Variants in SLC25A32 observed in about 807,000 individuals in gnomAD.
SLC25A32 encodes the protein Glycine auxotroph B, complementation of hamster.
Under a neutral mutation model 39.0 loss-of-function variants are expected in SLC25A32, and 32 were observed. The ratio of observed to expected loss-of-function variants is 0.82; its 90% CI spans 0.62 to 1.10. The LOEUF (loss-of-function observed/expected upper bound fraction) is 1.10. SLC25A32 is among the 50% of genes least tolerant of loss of function. The pLI, the probability that SLC25A32 is intolerant of heterozygous loss-of-function variation, is 0.00. For synonymous variants in SLC25A32, 166 were observed against 152.4 expected, an observed-to-expected ratio of 1.09 and a Z score of -0.66; for missense variants, 367 against 395.3, an observed-to-expected ratio of 0.93 and a Z score of 0.61.
At chr8:103,404,627 A>C (rs867987409) in intron 3 of SLC25A32, 149 bp downstream of exon 3, 5 of 568,798 alleles carry the variant, frequency 8.8e-6, no homozygotes, top group Non-Finnish European at 1.5e-5. Flanking sequence ...AAAAACAAAC[A>C]AACAAAAAAA....
At chr8:103,409,973 G>GAA (rs1288903259) in intron 1 of SLC25A32, among the ~76,000 whole-genome samples, 1 of 152,140 alleles carries the variant, frequency 6.6e-6, no homozygotes, top group Non-Finnish European at 1.5e-5. Flanking sequence ...CAGAATGACA[G>GAA]GCTCTTGAGA....
chr8:103,414,421 C>G (rs574131797), intron 1 of SLC25A32, among the ~76,000 whole-genome samples: 2 of 152,332 alleles, frequency 1.3e-5, no homozygotes, highest in South Asian at 4.1e-4. Flanking sequence ...CGTGGGTATG[C>G]TAAGATTTCA....
At chr8:103,410,561 C>T (rs1816444098) in intron 1 of SLC25A32, among the ~76,000 whole-genome samples, 1 of 152,136 alleles carries the variant, frequency 6.6e-6, no homozygotes, top group Admixed American at 6.5e-5. Flanking sequence ...TCATCCATAC[C>T]TCCTCCACCC....
intron 1 of SLC25A32, among the ~76,000 whole-genome samples, chr8:103,408,798 C>T (rs746794172): frequency 6.6e-6 from 1 of 152,186 alleles, no homozygotes; most frequent in Non-Finnish European, 1.5e-5. Context: ...GAACCCTCCT[C>T]CTTCCCATCC....
intron 1 of SLC25A32, among the ~76,000 whole-genome samples, 184 bp from the exon 2 acceptor site, chr8:103,407,968 T>TTAC (rs1317312554): frequency 1.6e-4 from 23 of 147,490 alleles, no homozygotes; most frequent in South Asian, 1.3e-3. Context: ...AATATATATA[T>TTAC]ATATAAATAT....
At chr8:103,407,917 T>A (rs1202915200) in intron 1 of SLC25A32, 133 bp from the exon 2 acceptor site, 1 of 308,182 alleles carries the variant, frequency 3.2e-6, no homozygotes, top group Non-Finnish European at 5.7e-6. Context: ...GTAGAAAAAA[T>A]TATTTTCCAG....
At chr8:103,409,018 G>A (rs991393051) in intron 1 of SLC25A32, among the ~76,000 whole-genome samples, 1 of 152,056 alleles carries the variant, frequency 6.6e-6, no homozygotes, top group African/African-American at 2.4e-5. Context: ...TCTCTCTGTA[G>A]GAAACAGAAA....
intron 3 of SLC25A32, among the ~76,000 whole-genome samples, chr8:103,403,877 G>C (rs1816272217): frequency 6.6e-6 from 1 of 152,088 alleles, no homozygotes; most frequent in South Asian, 2.1e-4. Context: ...ATCCTTTATA[G>C]AGTGACAATT....
intron 1 of SLC25A32, among the ~76,000 whole-genome samples, chr8:103,408,222 G>A (rs1304934578): frequency 1.3e-5 from 2 of 151,630 alleles, no homozygotes; most frequent in African/African-American, 4.8e-5. Flanking sequence ...CCTGACCTCA[G>A]GTGATCCACC....
chr8:103,412,595 A>T (rs1159860355), intron 1 of SLC25A32, among the ~76,000 whole-genome samples: 1 of 152,038 alleles, frequency 6.6e-6, no homozygotes, highest in Non-Finnish European at 1.5e-5. Context: ...TGTAATTTCC[A>T]CTCAACCTGT....
rs749650049 is a variant in SLC25A32 at position 103,400,379 on chromosome 8, G to T, written c.*32C>A. On this transcript the variant is annotated 3_prime_UTR_variant, in exon 7 of 7. Coordinates refer to ENST00000297578, the MANE Select transcript of SLC25A32 (RefSeq NM_030780.5). ...ACACAAAAGAGCTTGTTGCTGCCTTGGGCAGATATACTGGAATTGTCCTCT... is the reference window on the plus strand; with the variant it reads ...ACACAAAAGAGCTTGTTGCTGCCTTTGGCAGATATACTGGAATTGTCCTCT... The T allele has an allele frequency of 3.7e-6, 6 of 1,612,498 alleles. No homozygotes were observed. The East Asian group carries it at 1.1e-4, about 30-fold the overall frequency.
chr8:103,409,793 T>A (rs1044257457), intron 1 of SLC25A32, among the ~76,000 whole-genome samples: 9 of 152,198 alleles, frequency 5.9e-5, no homozygotes, highest in African/African-American at 2.2e-4. Context: ...GAGATTAAAG[T>A]ACATCAGGTT....
At position 103,401,925 on chromosome 8, in the gene SLC25A32, A is replaced by AT; in HGVS notation, c.666+15_666+16insA. 6 of 1,581,716 alleles carry AT rather than the reference A, an allele frequency of 3.8e-6. No individual in the cohort carries two copies. The highest frequency in any genetic ancestry group is 5.2e-6 in the Non-Finnish European group (6 of 1,160,642). On this transcript the variant is annotated intron_variant, in intron 5 of 6. Coordinates refer to ENST00000297578, the MANE Select transcript of SLC25A32 (RefSeq NM_030780.5). ...CATAAAAGGAAATGATATCATTTTT[A>AT]CAAGAATAATCTTACCAACTGGGCT...
At chr8:103,408,352 A>C (rs1451584514) in intron 1 of SLC25A32, among the ~76,000 whole-genome samples, 2 of 152,160 alleles carry the variant, frequency 1.3e-5, no homozygotes, top group Non-Finnish European at 2.9e-5. Flanking sequence ...AGGGCATACT[A>C]AGCACTCAAA....
chr8:103,401,054 A>C (rs981493529), intron 6 of SLC25A32, among the ~76,000 whole-genome samples: 6 of 152,244 alleles, frequency 3.9e-5, no homozygotes, highest in Non-Finnish European at 7.3e-5. Context: ...TTAGAATTAA[A>C]GGGAAATATG....
At chr8:103,402,344 A>G (rs575665458) in intron 4 of SLC25A32, 23 of 203,018 alleles carry the variant, frequency 1.1e-4, no homozygotes, top group African/African-American at 5.3e-4. Flanking sequence ...TGAGTGGGAA[A>G]CTAAATTCTG....
chr8:103,403,688 A>G (rs911603905), intron 3 of SLC25A32, among the ~76,000 whole-genome samples: 6 of 152,204 alleles, frequency 3.9e-5, no homozygotes, highest in African/African-American at 1.4e-4. Flanking sequence ...GGTGTAGCAC[A>G]TGGTATAATC....
Position 103,400,185 on chromosome 8 carries a change from T to C in SLC25A32, c.*226A>G. On this transcript the variant is annotated 3_prime_UTR_variant, in exon 7 of 7. Transcript: ENST00000297578. The stretch of plus-strand genomic sequence containing the variant: ...CCTTCGTGTCAGTTTTAACATTGTG[T>C]TGATGGCAGCCATTTCAGGCAGAGG... 1.9e-6 allele frequency: 1 copy of C among 536,496 alleles called. No homozygotes were observed. 33.2% of individuals were successfully genotyped at this position (536,496 alleles called of 1,614,324 possible). A position where few individuals can be genotyped will look rare whatever the true frequency, so the allele number is the denominator to read the frequency against.
chr8:103,404,281 CATA>C (rs1563717696), intron 3 of SLC25A32, among the ~76,000 whole-genome samples: 1 of 152,132 alleles, frequency 6.6e-6, no homozygotes, highest in African/African-American at 2.4e-5. Context: ...ACAGAGTAAT[CATA>C]ATAATTTCTG....
Sources: gnomAD v4.1 joint callset for allele counts (sites outside exome capture counted in the v4.1 genomes callset) on GRCh38, gnomAD v4.1.1 for gene constraint, MANE v1.5 for transcripts, NCBI Gene and HGNC (gene_info 2026-07-23, HGNC 2026-07-21) for gene names.